RAB2A: variants seen among roughly 807,000 people sequenced by gnomAD.
RAB2A encodes RAB2A, member RAS oncogene family, also known as ras-related protein Rab-2A.
A neutral mutation model predicts 32.5 loss-of-function variants in RAB2A; 7 were observed. The observed-to-expected ratio is 0.22, with a 90% CI of 0.12 to 0.40. The LOEUF (loss-of-function observed/expected upper bound fraction) is 0.40. Ranked by LOEUF, RAB2A falls within the 10% of genes least tolerant of loss-of-function variation. The pLI, the probability that RAB2A is intolerant of heterozygous loss-of-function variation, is 1.00. For missense variants in RAB2A, 108 were observed against 260.7 expected (o/e 0.41, Z 4.03); for synonymous variants, 79 against 85.2 (o/e 0.93, Z 0.40).
chr8:60,564,428 T>C (rs1808073563), intron 2 of RAB2A, among the ~76,000 whole-genome samples: 1 of 152,212 alleles, frequency 6.6e-6, no homozygotes, highest in Non-Finnish European at 1.5e-5. Context: ...TATTTTCTTT[T>C]CCAGCTTTTA....
At chr8:60,566,883 C>T (rs535867823) in intron 2 of RAB2A, among the ~76,000 whole-genome samples, 73 of 152,196 alleles carry the variant, frequency 4.8e-4, no homozygotes, top group Non-Finnish European at 7.4e-4. Flanking sequence ...TGAGTTAGTT[C>T]ACTGAGGATA....
intron 1 of RAB2A, among the ~76,000 whole-genome samples, chr8:60,527,953 T>C (rs1807417972): frequency 6.6e-6 from 1 of 152,192 alleles, no homozygotes; most frequent in Non-Finnish European, 1.5e-5. Flanking sequence ...GGTTATCACA[T>C]ACAGTCTTTT....
At chr8:60,617,996 T>C (rs972185519) in intron 6 of RAB2A, among the ~76,000 whole-genome samples, 15 of 152,366 alleles carry the variant, frequency 9.8e-5, no homozygotes, top group Middle Eastern at 6.8e-3. Flanking sequence ...GTGTCTGCCT[T>C]CTTTCATTTA....
chr8:60,596,643 C>G (rs565960279), intron 6 of RAB2A, among the ~76,000 whole-genome samples: 2 of 152,240 alleles, frequency 1.3e-5, no homozygotes, highest in East Asian at 3.9e-4. Flanking sequence ...GAGGAAACGG[C>G]CGGGCGCGGT....
chr8:60,555,626 C>T (rs1365748344), intron 1 of RAB2A, among the ~76,000 whole-genome samples: 6 of 152,138 alleles, frequency 3.9e-5, no homozygotes, highest in Non-Finnish European at 8.8e-5. Context: ...CAGTAATCAT[C>T]AGGGAAATGC....
chr8:60,568,238 T>C lies in RAB2A; in HGVS notation c.119-3808T>C, dbSNP rs189296446. ...TAGTACCTCAGCAGCCTAGAAGTTC[T>C]AGCCTTGACATTACAAGGAGGCCTG... is the stretch of plus-strand genomic sequence containing the variant. On this transcript the variant is annotated intron_variant, in intron 2 of 7. Coordinates refer to ENST00000262646, the MANE Select transcript of RAB2A (RefSeq NM_002865.3). 8.5e-5 allele frequency among the ~76,000 whole-genome samples: 13 copies of C among 152,290 alleles called. No individual in the cohort carries two copies. In the East Asian group the frequency reaches 2.1e-3, roughly 25 times the overall value.
chr8:60,585,165 T>C (rs1189970224), intron 5 of RAB2A, among the ~76,000 whole-genome samples: 3 of 152,264 alleles, frequency 2.0e-5, no homozygotes, highest in African/African-American at 7.2e-5. Flanking sequence ...TGGGAAAACC[T>C]TCTTGCTTGA....
At chr8:60,564,595 A>G (rs1194728445) in intron 2 of RAB2A, among the ~76,000 whole-genome samples, 1 of 152,062 alleles carries the variant, frequency 6.6e-6, no homozygotes, top group Non-Finnish European at 1.5e-5. Context: ...TAGATGTCTA[A>G]TAGACATCTT....
chr8:60,588,803 T>A (rs1272536426), intron 5 of RAB2A, among the ~76,000 whole-genome samples: 1 of 152,200 alleles, frequency 6.6e-6, no homozygotes, highest in African/African-American at 2.4e-5. Context: ...CTGTTACACC[T>A]CAAAAAAGCT....
intron 3 of RAB2A, among the ~76,000 whole-genome samples, chr8:60,577,570 A>G (rs1803658992): frequency 6.6e-6 from 1 of 152,058 alleles, no homozygotes; most frequent in East Asian, 1.9e-4. Context: ...TTGTACATGC[A>G]TGTAGATTTC....
chr8:60,582,586 A>G (rs1049875891), intron 3 of RAB2A, among the ~76,000 whole-genome samples: 4 of 152,132 alleles, frequency 2.6e-5, no homozygotes, highest in African/African-American at 9.6e-5. Flanking sequence ...CAGTGGTGCA[A>G]TTACATCTCC....
At chr8:60,556,005 C>T (rs1586080417) in intron 1 of RAB2A, among the ~76,000 whole-genome samples, 1 of 152,172 alleles carries the variant, frequency 6.6e-6, no homozygotes, top group East Asian at 1.9e-4. Flanking sequence ...GGTAAATATA[C>T]ACAATGGAAT....
At chr8:60,593,400 A>G (rs1159769449) in intron 6 of RAB2A, among the ~76,000 whole-genome samples, 1 of 152,240 alleles carries the variant, frequency 6.6e-6, no homozygotes, top group Non-Finnish European at 1.5e-5. Flanking sequence ...AGAAAGGTCA[A>G]CAGGCACAGA....
At chr8:60,547,642 C>A in intron 1 of RAB2A, among the ~76,000 whole-genome samples, 1 of 121,558 alleles carries the variant, frequency 8.2e-6, no homozygotes, top group Non-Finnish European at 1.8e-5. Flanking sequence ...GGGCGGCTGG[C>A]CAGGCGGGGG....
chr8:60,623,187 G>T lies in RAB2A; in HGVS notation c.*2418G>T, dbSNP rs1408262880. The T allele has an allele frequency of 6.6e-6, 1 of 152,146 alleles. No individual in the cohort carries two copies. Among genetic ancestry groups the T allele is most frequent in the African/African-American group, 2.4e-5 (1 of 41,414 alleles). 9.4% of individuals were successfully genotyped at this position (152,146 alleles called of 1,614,324 possible). A position where few individuals can be genotyped will look rare whatever the true frequency, so the allele number is the denominator to read the frequency against. On this transcript the variant is annotated 3_prime_UTR_variant, in exon 8 of 8. Transcript: ENST00000262646. ...CAACTGAATGAAAAGCCAATTTTTT[G>T]AAAGAATGTGGCATATAATTAGATA...
chr8:60,555,249 A>C (rs1807918173), intron 1 of RAB2A, among the ~76,000 whole-genome samples: 1 of 152,218 alleles, frequency 6.6e-6, no homozygotes, highest in Admixed American at 6.5e-5. Flanking sequence ...ACTAGACCCA[A>C]AACTGTAAAA....
intron 1 of RAB2A, among the ~76,000 whole-genome samples, chr8:60,550,512 T>C (rs1563466957): frequency 6.6e-6 from 1 of 151,956 alleles, no homozygotes; most frequent in Non-Finnish European, 1.5e-5. Context: ...AGCCCCCATG[T>C]AACTGGGACT....
intron 1 of RAB2A, among the ~76,000 whole-genome samples, chr8:60,525,919 G>C (rs1015228633): frequency 6.8e-6 from 1 of 146,992 alleles, no homozygotes; most frequent in Non-Finnish European, 1.5e-5. Context: ...ATGTAAATGA[G>C]AGAATAAAGA....
At chr8:60,567,579 G>A (rs1808134731) in intron 2 of RAB2A, among the ~76,000 whole-genome samples, 1 of 151,822 alleles carries the variant, frequency 6.6e-6, no homozygotes, top group African/African-American at 2.4e-5. Context: ...CAATACATGG[G>A]CTAATTTGGA....
Sources: allele counts gnomAD v4.1 joint callset (sites outside exome capture counted in the v4.1 genomes callset), GRCh38; gene constraint gnomAD v4.1.1; transcripts MANE v1.5; gene names NCBI Gene and HGNC (gene_info 2026-07-23, HGNC 2026-07-21).